Variants in RORA observed in about 807,000 individuals in gnomAD.
RORA encodes nuclear receptor ROR-alpha.
In RORA, 7 loss-of-function variants were observed where a neutral mutation model predicts 69.5. The ratio of observed to expected loss-of-function variants is 0.10; its 90% CI spans 0.06 to 0.19. The LOEUF (loss-of-function observed/expected upper bound fraction) is 0.19, where lower values mean the gene tolerates loss of function less well. RORA is among the 10% of genes least tolerant of loss of function. RORA has a pLI of 1.00. For missense variants in RORA, 457 were observed against 663.0 expected (o/e 0.69, Z 3.41); for synonymous variants, 261 against 240.8 (o/e 1.08, Z -0.78).
chr15:61,110,389 G>A (rs1187793966), intron 1 of RORA, among the ~76,000 whole-genome samples: 2 of 140,212 alleles, frequency 1.4e-5, no homozygotes, highest in African/African-American at 2.7e-5. Flanking sequence ...GCGAGACTCA[G>A]TCTCAAAAAA....
intron 3 of RORA, among the ~76,000 whole-genome samples, chr15:60,518,393 TACTG>T (rs1413738682): frequency 2.0e-5 from 3 of 152,256 alleles, no homozygotes; most frequent in African/African-American, 7.2e-5. Context: ...TTATCAGTCT[TACTG>T]AGTACTTGTA....
chr15:61,091,107 T>A (rs1162079353), intron 1 of RORA, among the ~76,000 whole-genome samples: 1 of 152,186 alleles, frequency 6.6e-6, no homozygotes, highest in Non-Finnish European at 1.5e-5. Context: ...ACTATCTCAC[T>A]CATTAGTTCT....
At chr15:60,924,171 A>G (rs941058466) in intron 1 of RORA, among the ~76,000 whole-genome samples, 5 of 151,862 alleles carry the variant, frequency 3.3e-5, no homozygotes, top group Non-Finnish European at 7.4e-5. Context: ...CTTGTTGACA[A>G]CTTATCTCCT....
At chr15:61,186,810 T>A (rs1207923413) in intron 1 of RORA, among the ~76,000 whole-genome samples, 2 of 152,158 alleles carry the variant, frequency 1.3e-5, no homozygotes, top group Non-Finnish European at 2.9e-5. Flanking sequence ...CTACTGTGGG[T>A]TTGGTGAGCT....
chr15:60,709,710 A>T (rs1244947162), intron 1 of RORA, among the ~76,000 whole-genome samples: 1 of 151,860 alleles, frequency 6.6e-6, no homozygotes, highest in African/African-American at 2.4e-5. Context: ...GCAGGAAAAC[A>T]AGCTTAGGGC....
intron 1 of RORA, among the ~76,000 whole-genome samples, chr15:60,940,892 A>G (rs913281481): frequency 3.9e-5 from 6 of 152,186 alleles, no homozygotes; most frequent in African/African-American, 9.7e-5. Context: ...GCACCACCGC[A>G]CTCCAGCCTG....
intron 1 of RORA, among the ~76,000 whole-genome samples, chr15:61,038,419 A>G (rs2140462697): frequency 1.3e-5 from 2 of 152,342 alleles, no homozygotes; most frequent in South Asian, 2.1e-4. Context: ...TATGGTCTCC[A>G]TGGAAACCCT....
At chr15:60,683,092 C>G (rs2070671509) in intron 1 of RORA, among the ~76,000 whole-genome samples, 1 of 152,150 alleles carries the variant, frequency 6.6e-6, no homozygotes, top group South Asian at 2.1e-4. Context: ...CTCGCTGCAG[C>G]CTTGACCTCC....
At chr15:60,936,446 C>T (rs1595828367) in intron 1 of RORA, among the ~76,000 whole-genome samples, 1 of 152,190 alleles carries the variant, frequency 6.6e-6, no homozygotes, top group African/African-American at 2.4e-5. Flanking sequence ...CAGAGGGCAC[C>T]CTTGCACACC....
chr15:61,112,044 G>A (rs1321015539), intron 1 of RORA, among the ~76,000 whole-genome samples: 1 of 152,174 alleles, frequency 6.6e-6, no homozygotes, highest in Non-Finnish European at 1.5e-5. Flanking sequence ...AGTGCAGATG[G>A]GAATAACGTA....
chr15:60,818,191 T>C (rs1409540520), intron 1 of RORA, among the ~76,000 whole-genome samples: 2 of 152,104 alleles, frequency 1.3e-5, no homozygotes, highest in Non-Finnish European at 2.9e-5. Flanking sequence ...TTTAGGTTGG[T>C]GCAAAAGTTA....
intron 1 of RORA, among the ~76,000 whole-genome samples, chr15:61,057,617 G>A (rs564051414): frequency 2.0e-5 from 3 of 152,164 alleles, no homozygotes; most frequent in Non-Finnish European, 4.4e-5. Context: ...AGTGTGTAAT[G>A]ACCACCTCTG....
At chr15:61,117,695 C>A (rs188496812) in intron 1 of RORA, among the ~76,000 whole-genome samples, 3 of 152,096 alleles carry the variant, frequency 2.0e-5, no homozygotes, top group African/African-American at 7.2e-5. Flanking sequence ...TATTCCCTGA[C>A]GAAAGAAAAT....
At chr15:60,678,214 A>G (rs1390409554) in intron 2 of RORA, 1 of 153,714 alleles carries the variant, frequency 6.5e-6, no homozygotes, top group Non-Finnish European at 1.4e-5. Flanking sequence ...CTCTATTCCC[A>G]GTCAGCATCT....
At chr15:60,978,749 A>G (rs1186073978) in intron 1 of RORA, among the ~76,000 whole-genome samples, 1 of 152,104 alleles carries the variant, frequency 6.6e-6, no homozygotes, top group Non-Finnish European at 1.5e-5. Flanking sequence ...TGGCTATCCA[A>G]TTGTCCTGGC....
chr15:61,119,088 G>GT (rs1035539332), intron 1 of RORA, among the ~76,000 whole-genome samples: 1 of 127,026 alleles, frequency 7.9e-6, no homozygotes, highest in Non-Finnish European at 1.7e-5. Context: ...AGAAGGGGGG[G>GT]GGGGGCGCCA....
chr15:60,791,602 G>C (rs2072418487), intron 1 of RORA, among the ~76,000 whole-genome samples: 1 of 152,352 alleles, frequency 6.6e-6, no homozygotes, highest in South Asian at 2.1e-4. Flanking sequence ...ATTCTGGAAA[G>C]GTGGGAACTG....
intron 1 of RORA, among the ~76,000 whole-genome samples, chr15:61,019,838 C>A (rs1895443001): frequency 6.6e-6 from 1 of 152,152 alleles, no homozygotes; most frequent in Non-Finnish European, 1.5e-5. Flanking sequence ...ACGGGGCCTG[C>A]CTGCCCCCAG....
At chr15:61,120,609 G>A (rs899456347) in intron 1 of RORA, among the ~76,000 whole-genome samples, 7 of 150,226 alleles carry the variant, frequency 4.7e-5, no homozygotes, top group South Asian at 4.3e-4. Flanking sequence ...GCTGAGGCAG[G>A]AGAACGGCGT....
Sources: allele counts gnomAD v4.1 joint callset (sites outside exome capture counted in the v4.1 genomes callset), GRCh38; gene constraint gnomAD v4.1.1; transcripts MANE v1.5; gene names NCBI Gene and HGNC (gene_info 2026-07-23, HGNC 2026-07-21).